The following NPHP3 variants were observed in gnomAD, a reference collection of about 807,000 sequenced individuals.
NPHP3 encodes the protein nephrocystin 3, also known as nephrocystin-3.
In NPHP3, 123 loss-of-function variants were observed where a neutral mutation model predicts 171.9. The observed-to-expected ratio is 0.72, with a 90% confidence interval of 0.62 to 0.83. The LOEUF is 0.83. NPHP3 is among the 40% of genes least tolerant of loss of function. The probability of loss-of-function intolerance (pLI) is 0.00; values close to 1 mark genes in which losing one functional copy is unlikely to be tolerated. For synonymous variants in NPHP3, 558 were observed against 579.2 expected, an observed-to-expected ratio of 0.96 and a Z score of 0.52; for missense variants, 1,506 against 1,591.9, an observed-to-expected ratio of 0.95 and a Z score of 0.92.
rs1277525568 is a variant in NPHP3, at chr3:132,689,237, T to C, written c.2720A>G (p.Tyr907Cys). ...KRGHFAELLS[Y>C]WQFVGKDKSA... is the part of the protein sequence containing the mutation. ...TTTGTCTTTGCCAACAAACTGCCAA[T>C]AACTCAGCAACTCAGCAAAGTGTCC... is the stretch of plus-strand genomic sequence containing the variant. The change falls in exon 20 of 27, where the codon TAT becomes TGT. Residue 907 changes from tyrosine (Y) to cysteine (C), a missense_variant. Physicochemically the swap from Tyr to Cys is radical, Grantham distance 194. Coordinates refer to ENST00000337331, the MANE Select transcript of NPHP3 (RefSeq NM_153240.5). 2 of 1,614,150 alleles carry C rather than the reference T, an allele frequency of 1.2e-6. No homozygotes were observed. Among genetic ancestry groups the C allele is most frequent in the South Asian group, 1.1e-5 (1 of 91,086 alleles).
At chr3:132,683,917 A>G (rs1479733744) in intron 24 of NPHP3, among the ~76,000 whole-genome samples, 3 of 144,640 alleles carry the variant, frequency 2.1e-5, no homozygotes, top group African/African-American at 8.2e-5. Flanking sequence ...AATAGCAGCA[A>G]TGTACCCTTC....
Position 132,696,781 on chromosome 3 carries a change from A to G in NPHP3, c.2121T>C (p.Ala707=). Residue 707 remains alanine, a synonymous_variant, in exon 15 of 27, where the codon GCT becomes GCC. Transcript: ENST00000337331. ...TGACATAAAGGGCATTGCAGGTTGT[A>G]GCAGAACGACAGTGTCGTTCTAGCT... The part of the protein sequence containing the change: ...EKKLERHCRS[A]TTCNALYVTL... 1.9e-6 allele frequency: 3 copies of G among 1,614,160 alleles called. No homozygotes were observed. The highest frequency in any genetic ancestry group is 8.5e-7 in the Non-Finnish European group (1 of 1,180,008).
Position 132,709,825 on chromosome 3 carries a change from A to G in NPHP3, c.1119-1568T>C, listed in dbSNP as rs975648365. Among the ~76,000 whole-genome samples, 3 of 152,230 alleles carry G rather than the reference A, an allele frequency of 2.0e-5. 1 individual carries two copies. Among genetic ancestry groups the G allele is most frequent in the South Asian group, 4.1e-4 (2 of 4,832 alleles). On this transcript the variant is annotated intron_variant, in intron 6 of 26. Coordinates refer to ENST00000337331, the MANE Select transcript of NPHP3 (RefSeq NM_153240.5). The stretch of plus-strand genomic sequence containing the variant: ...CGCCAATCCATTCTACCCAAACCAC[A>G]GAAGTTTTCTATATTAAAATCACTC...
In NPHP3 at chr3:132,722,405, G is replaced by A. The variant is rs1215150355; in HGVS notation, c.-50C>T. On this transcript the variant is annotated 5_prime_UTR_variant, in exon 1 of 27. Coordinates refer to ENST00000337331, the MANE Select transcript of NPHP3 (RefSeq NM_153240.5). ...GTGAGTACCAGCAGGACTGGGCAGCGGAACGGAACGGGACGGGGTGGGGCA... is the reference window on the plus strand; with the variant it reads ...GTGAGTACCAGCAGGACTGGGCAGCAGAACGGAACGGGACGGGGTGGGGCA... 8.6e-6 allele frequency: 12 copies of A among 1,397,920 alleles called. No homozygotes were observed. The highest frequency in any genetic ancestry group is 1.2e-5 in the Non-Finnish European group (12 of 1,043,028). The allele number at this position is 1,397,920 out of a possible 1,614,324, so 86.6% of individuals were successfully genotyped here.
At chr3:132,704,176 C>T (rs968759033) in intron 9 of NPHP3, 22 bp downstream of exon 9, 2 of 1,610,226 alleles carry the variant, frequency 1.2e-6, no homozygotes, top group African/African-American at 2.7e-5. Context: ...ATCTTTGTTG[C>T]AATAATACTC....
At chr3:132,713,596 T>C (rs1176633607) in intron 5 of NPHP3, among the ~76,000 whole-genome samples, 1 of 152,186 alleles carries the variant, frequency 6.6e-6, no homozygotes, top group African/African-American at 2.4e-5. Flanking sequence ...TTTGTTATTA[T>C]TACTATGAAC....
In NPHP3 at chr3:132,690,626, A is replaced by G; in HGVS notation, c.2595T>C (p.Ser865=). 1 of 1,613,870 alleles carries G rather than the reference A, an allele frequency of 6.2e-7. No homozygotes were observed. The highest frequency in any genetic ancestry group is 1.7e-5 in the Admixed American group (1 of 60,018). Residue 865 remains serine (S), a synonymous_variant, in exon 19 of 27, where the codon AGT becomes AGC. Transcript: ENST00000337331. The part of the protein sequence containing the change: ...QLSQDRVTWR[S]ADELPWLFQQ... ...GAAAAAGCCACGGGAGTTCATCTGC[A>G]CTTCTCCAAGTCACTCTGTCCTGAC...
chr3:132,681,884 T>C lies in NPHP3; in HGVS notation c.*26A>G, dbSNP rs1489145024. On this transcript the variant is annotated 3_prime_UTR_variant, in exon 27 of 27. Transcript: ENST00000337331. ...TTTAATTATTTTGTCTTAAGGTACA[T>C]TTGCAAAGAATTCTAACTGCTGCTA... 1.3e-6 allele frequency: 2 copies of C among 1,593,776 alleles called. No individual in the cohort carries two copies. Among genetic ancestry groups the C allele is most frequent in the African/African-American group, 2.7e-5 (2 of 74,632 alleles).
chr3:132,687,305 A>G (rs1213538650), intron 21 of NPHP3, 79 bp from the exon 22 acceptor site: 5 of 703,580 alleles, frequency 7.1e-6, no homozygotes, highest in East Asian at 2.7e-5. Context: ...CACTCTTTTC[A>G]TAGTGTAAAG....
chr3:132,702,726 T>C (rs1370400280), intron 9 of NPHP3, among the ~76,000 whole-genome samples: 1 of 152,198 alleles, frequency 6.6e-6, no homozygotes, highest in Admixed American at 6.5e-5. Context: ...TATATTTAAT[T>C]AACAAGCAGA....
At chr3:132,715,394 C>G (rs1475218032) in intron 4 of NPHP3, among the ~76,000 whole-genome samples, 176 bp from the exon 5 acceptor site, 1 of 152,204 alleles carries the variant, frequency 6.6e-6, no homozygotes, top group South Asian at 2.1e-4. Flanking sequence ...AACTCAAATT[C>G]TATCCTAGGA....
At chr3:132,695,350 G>T (rs1018205159) in intron 15 of NPHP3, among the ~76,000 whole-genome samples, 1 of 151,984 alleles carries the variant, frequency 6.6e-6, no homozygotes, top group Admixed American at 6.6e-5. Flanking sequence ...CCAGAATTTT[G>T]AAAACACAAG....
At chr3:132,721,754 T>C in intron 1 of NPHP3, 3 of 738,390 alleles carry the variant, frequency 4.1e-6, no homozygotes, top group Non-Finnish European at 7.1e-6. Context: ...TGAGCCGCGA[T>C]CGTGCCACCG....
At position 132,684,768 on chromosome 3, in the gene NPHP3, G is replaced by T; in HGVS notation, c.3356C>A (p.Ser1119Tyr). The T allele has an allele frequency of 6.2e-7, 1 of 1,613,626 alleles. No homozygotes were observed. The highest frequency in any genetic ancestry group is 1.3e-5 in the African/African-American group (1 of 75,018). Reference sequence around the variant, plus strand: ...TAGAACTCGCTCCCTCATTTCTAAGGAACGCTTCAGAAACTGGTCAGCTGT... The same window carrying T: ...TAGAACTCGCTCCCTCATTTCTAAGTAACGCTTCAGAAACTGGTCAGCTGT... ...LETADQFLKR[S>Y]LEMRERVLGP... Residue 1119 changes from serine (S) to tyrosine (Y), a missense_variant, in exon 24 of 27, where the codon TCC (serine) becomes TAC (tyrosine). Coordinates refer to ENST00000337331, the MANE Select transcript of NPHP3 (RefSeq NM_153240.5).
At chr3:132,700,145 C>T in intron 11 of NPHP3, 84 bp from the exon 12 acceptor site, 2 of 1,525,056 alleles carry the variant, frequency 1.3e-6, no homozygotes, top group South Asian at 1.1e-5. Context: ...TATTTCTATT[C>T]TTACTTTTTT....
intron 16 of NPHP3, 120 bp downstream of exon 16, chr3:132,694,707 C>T: frequency 1.8e-6 from 2 of 1,089,538 alleles, no homozygotes; most frequent in Middle Eastern, 2.4e-4. Context: ...TGGCTATCAG[C>T]ATTCCTGCAT....
Position 132,701,543 on chromosome 3 carries a change from A to G in NPHP3, c.1525-10T>C. 1 of 1,576,648 alleles carries G rather than the reference A, an allele frequency of 6.3e-7. No homozygotes were observed. Among genetic ancestry groups the G allele is most frequent in the Non-Finnish European group, 8.7e-7 (1 of 1,146,020 alleles). On this transcript the variant is annotated splice_polypyrimidine_tract_variant and intron_variant, in intron 9 of 26. Coordinates refer to ENST00000337331, the MANE Select transcript of NPHP3 (RefSeq NM_153240.5). ...TAAGGCGTTGGTAATACTAGAAAAA[A>G]AAATGAATTTACATTGTAAGGAAGC...
chr3:132,699,896 G>A, intron 12 of NPHP3, 22 bp downstream of exon 12: 1 of 1,612,860 alleles, frequency 6.2e-7, no homozygotes, highest in Non-Finnish European at 8.5e-7. Context: ...CATATCAATA[G>A]GTAACAAATG....
chr3:132,703,102 G>A (rs1939658192), intron 9 of NPHP3, among the ~76,000 whole-genome samples: 1 of 152,214 alleles, frequency 6.6e-6, no homozygotes, highest in African/African-American at 2.4e-5. Flanking sequence ...CAGGTACTGT[G>A]CTAAGCACTT....
Sources: gnomAD v4.1 joint callset for allele counts (sites outside exome capture counted in the v4.1 genomes callset) on GRCh38, gnomAD v4.1.1 for gene constraint, MANE v1.5 for transcripts, NCBI Gene and HGNC (gene_info 2026-07-23, HGNC 2026-07-21) for gene names.